Variants in CDC42BPB observed in about 807,000 individuals in gnomAD.
The protein encoded by CDC42BPB is serine/threonine-protein kinase MRCK beta.
In CDC42BPB, 37 loss-of-function variants were observed where a neutral mutation model predicts 214.9. The observed-to-expected ratio is 0.17, with a 90% CI of 0.13 to 0.23. CDC42BPB has a LOEUF of 0.23. CDC42BPB is among the 10% of genes least tolerant of loss of function. The probability of loss-of-function intolerance (pLI) is 1.00; values close to 1 mark genes in which losing one functional copy is unlikely to be tolerated. For missense variants in CDC42BPB, 1,694 were observed against 2,227.0 expected (o/e 0.76, Z 4.82); for synonymous variants, 931 against 884.0 (o/e 1.05, Z -0.94).
At position 102,999,711 on chromosome 14, in the gene CDC42BPB, G is replaced by A. The variant is rs35954043; in HGVS notation, c.450C>T (p.Tyr150=). Residue 150 remains tyrosine (Y), a splice_region_variant and synonymous_variant, in exon 5 of 37, where the codon TAC becomes TAT. Transcript: ENST00000361246. ...HYAFQDENHL[Y]LVMDYYVGGD... ...CACCCACATAGTAATCCATGACTAA[G>A]TACTACAAATTGGAAAGAGAAGGGG... is the stretch of plus-strand genomic sequence containing the variant. 0.013 allele frequency: 20,888 copies of A among 1,614,060 alleles called. 153 individuals carry two copies. Among genetic ancestry groups the A allele is most frequent in the Non-Finnish European group, 0.016 (18,635 of 1,179,978 alleles).
At chr14:103,042,002 G>A (rs1888026650) in intron 1 of CDC42BPB, 3 of 315,482 alleles carry the variant, frequency 9.5e-6, no homozygotes, top group South Asian at 9.4e-5. Flanking sequence ...GCCTTCGCTA[G>A]TCTCCACATG....
At chr14:103,039,463 T>C (rs1335738093) in intron 1 of CDC42BPB, among the ~76,000 whole-genome samples, 2 of 151,870 alleles carry the variant, frequency 1.3e-5, no homozygotes, top group Admixed American at 6.6e-5. Flanking sequence ...GAATGTGAGG[T>C]TGGTTCAACA....
Position 102,978,161 on chromosome 14 carries a change from A to G in CDC42BPB, c.1185T>C (p.His395=). The G allele has an allele frequency of 6.2e-7, 1 of 1,613,916 alleles. No individual in the cohort carries two copies. The highest frequency in any genetic ancestry group is 1.1e-5 in the South Asian group (1 of 91,078). The change falls in exon 9 of 37, where the codon CAT becomes CAC. Residue 395 remains histidine (H), a synonymous_variant. Transcript: ENST00000361246. ...PGSHTGFSGL[H]LPFIGFTFTT... ...TGAATGTAAAACCAATGAATGGCAAATGTAATCCAGAAAAGCCTGTGTGAG... is the reference window on the plus strand; with the variant it reads ...TGAATGTAAAACCAATGAATGGCAAGTGTAATCCAGAAAAGCCTGTGTGAG...
intron 5 of CDC42BPB, among the ~76,000 whole-genome samples, chr14:102,992,776 A>G (rs1038782342): frequency 4.0e-5 from 6 of 148,498 alleles, no homozygotes; most frequent in African/African-American, 1.5e-4. Flanking sequence ...AAAAATATAT[A>G]TTAAAAATAT....
chr14:102,975,844 A>G, intron 10 of CDC42BPB, 39 bp downstream of exon 10: 8 of 1,613,806 alleles, frequency 5.0e-6, no homozygotes, highest in South Asian at 1.1e-5. Flanking sequence ...GCCTGGCCGC[A>G]GCGCCCCCGC....
At chr14:103,009,316 C>A (rs1363133282) in intron 2 of CDC42BPB, among the ~76,000 whole-genome samples, 1 of 152,214 alleles carries the variant, frequency 6.6e-6, no homozygotes, top group South Asian at 2.1e-4. Flanking sequence ...TGCCATTCAC[C>A]AGGCACATTC....
rs1016858776 is a variant in CDC42BPB at position 102,954,238 on chromosome 14, G to A, written c.3026C>T (p.Pro1009Leu). 37 of 1,545,058 alleles carry A rather than the reference G, an allele frequency of 2.4e-5. No homozygotes were observed. Among genetic ancestry groups the A allele is most frequent in the African/African-American group, 6.9e-5 (5 of 72,496 alleles). ...ARPPQRPSAV[P>L]LPTTQALALA... The stretch of plus-strand genomic sequence containing the variant: ...AGCCAGGGCCTGCGTGGTGGGCAAC[G>A]GCACAGCGGATGGCCTCTGCGGGGG... Residue 1009 changes from proline to leucine, a missense_variant, in exon 23 of 37, where the codon CCG becomes CTG. Pro to Leu is a moderately conservative substitution (Grantham distance 98). Coordinates refer to ENST00000361246, the MANE Select transcript of CDC42BPB (RefSeq NM_006035.4).
chr14:103,050,782 A>T (rs149568112), intron 1 of CDC42BPB, among the ~76,000 whole-genome samples: 1,737 of 152,066 alleles, frequency 0.011, 17 homozygotes, highest in Non-Finnish European at 0.015. Flanking sequence ...AATTCTTAAC[A>T]GTTTTCCAAC....
At chr14:102,988,293 A>C (rs1289153644) in intron 5 of CDC42BPB, among the ~76,000 whole-genome samples, 2 of 152,120 alleles carry the variant, frequency 1.3e-5, no homozygotes, top group East Asian at 3.8e-4. Flanking sequence ...AGTCCCTGAA[A>C]GAAATCAAAA....
At chr14:103,023,711 A>C (rs986095181) in intron 1 of CDC42BPB, among the ~76,000 whole-genome samples, 1 of 152,174 alleles carries the variant, frequency 6.6e-6, no homozygotes, top group Non-Finnish European at 1.5e-5. Context: ...AGTTTTGACA[A>C]AGAAAATATA....
At chr14:102,948,869 C>G (rs1321362375) in intron 26 of CDC42BPB, among the ~76,000 whole-genome samples, 2 of 152,032 alleles carry the variant, frequency 1.3e-5, no homozygotes, top group African/African-American at 4.8e-5. Context: ...AGGCCAGGGG[C>G]ACACCTGTGC....
chr14:102,963,393 G>A (rs1477572877), intron 19 of CDC42BPB: 4 of 550,848 alleles, frequency 7.3e-6, no homozygotes, highest in South Asian at 7.9e-5. Context: ...GTCTCATGAA[G>A]GCCTAATGGA....
At chr14:102,963,323 G>A (rs552621921) in intron 19 of CDC42BPB, 168 bp from the exon 20 acceptor site, 5 of 976,810 alleles carry the variant, frequency 5.1e-6, no homozygotes, top group African/African-American at 3.5e-5. Flanking sequence ...TGAACAGTAC[G>A]AATATTTCAA....
intron 1 of CDC42BPB, among the ~76,000 whole-genome samples, chr14:103,033,445 A>G (rs1283997484): frequency 2.6e-5 from 4 of 151,990 alleles, no homozygotes; most frequent in Non-Finnish European, 5.9e-5. Context: ...GATGGTCTCT[A>G]TCTCCTGACC....
intron 30 of CDC42BPB, chr14:102,941,508 T>C: frequency 2.0e-6 from 2 of 985,428 alleles, no homozygotes; most frequent in Non-Finnish European, 2.4e-6. Flanking sequence ...GTGAGGCCTC[T>C]GAGAACCAAG....
chr14:102,949,321 C>T (rs1892370360), intron 26 of CDC42BPB, among the ~76,000 whole-genome samples: 1 of 152,144 alleles, frequency 6.6e-6, no homozygotes, highest in Non-Finnish European at 1.5e-5. Flanking sequence ...GGTCACATAG[C>T]AAACGCTACG....
intron 30 of CDC42BPB, chr14:102,941,383 G>A (rs1891882056): frequency 1.0e-6 from 1 of 985,362 alleles, no homozygotes; most frequent in Admixed American, 6.1e-5. Context: ...CAGGCTACAA[G>A]ATCAGGACTT....
Position 102,943,784 on chromosome 14 carries a change from C to G in CDC42BPB, c.4408+107G>C. 1.0e-6 allele frequency: 1 copy of G among 976,276 alleles called. No homozygotes were observed. The highest frequency in any genetic ancestry group is 1.5e-6 in the Non-Finnish European group (1 of 658,256). The allele number at this position is 976,276 out of a possible 1,614,324, so 60.5% of individuals were successfully genotyped here. A position where few individuals can be genotyped will look rare whatever the true frequency, so the allele number is the denominator to read the frequency against. On this transcript the variant is annotated intron_variant, in intron 30 of 36. Transcript: ENST00000361246. The surrounding 1 kb of genome is among the most constrained non-coding windows in gnomAD (Gnocchi z 4.6). Reference sequence around the variant, plus strand: ...GCCCACCTCTCCCGATGCTCTGTGACTACTCAACTAAGGGACTGGAAGACA... The same window carrying G: ...GCCCACCTCTCCCGATGCTCTGTGAGTACTCAACTAAGGGACTGGAAGACA...
intron 14 of CDC42BPB, 144 bp from the exon 15 acceptor site, chr14:102,968,860 C>G: frequency 6.8e-7 from 1 of 1,477,210 alleles, no homozygotes; most frequent in South Asian, 1.4e-5. Context: ...ACGTAGCTGA[C>G]CTGGCTAACG....
Sources: allele counts gnomAD v4.1 joint callset (sites outside exome capture counted in the v4.1 genomes callset), GRCh38; gene constraint gnomAD v4.1.1; non-coding constraint Gnocchi (gnomAD v3.1); transcripts MANE v1.5; gene names NCBI Gene and HGNC (gene_info 2026-07-23, HGNC 2026-07-21).